GALNT17: variants seen among roughly 807,000 people sequenced by gnomAD.
GALNT17 encodes UDP-GalNAc:polypeptide N-acetylgalactosaminyltransferase-like 3.
GALNT17 carries 29 observed loss-of-function variants against 63.7 expected under a neutral mutation model. That is an observed-to-expected ratio of 0.46 (90% CI 0.34 to 0.62). The LOEUF (loss-of-function observed/expected upper bound fraction) is 0.62. GALNT17 is among the 20% of genes least tolerant of loss of function. GALNT17 has a pLI of 0.01. For missense variants in GALNT17, 603 were observed against 799.6 expected, an observed-to-expected ratio of 0.75 and a Z score of 2.97; for synonymous variants, 305 against 318.3, an observed-to-expected ratio of 0.96 and a Z score of 0.45.
chr7:71,203,502 G>A (rs1789213849), intron 1 of GALNT17, among the ~76,000 whole-genome samples: 1 of 151,908 alleles, frequency 6.6e-6, no homozygotes, highest in African/African-American at 2.4e-5. Context: ...TTATTTCTTT[G>A]CTCTTGAGCT....
chr7:71,330,164 C>T (rs943792017), intron 1 of GALNT17, among the ~76,000 whole-genome samples: 2 of 151,830 alleles, frequency 1.3e-5, no homozygotes, highest in African/African-American at 2.4e-5. Context: ...AGGTGCACAC[C>T]ACCACACCCG....
chr7:71,673,323 G>A (rs1277948202), intron 8 of GALNT17, among the ~76,000 whole-genome samples: 1 of 152,032 alleles, frequency 6.6e-6, no homozygotes, highest in Admixed American at 6.6e-5. Context: ...ATTCATGGTT[G>A]GGGATATTTT....
chr7:71,449,194 C>A (rs545533598), intron 5 of GALNT17, among the ~76,000 whole-genome samples: 1 of 138,864 alleles, frequency 7.2e-6, no homozygotes, highest in African/African-American at 2.7e-5. Context: ...CTCACTGCAG[C>A]CCCCACCTAC....
At chr7:71,154,553 G>A (rs927554428) in intron 1 of GALNT17, among the ~76,000 whole-genome samples, 1 of 152,154 alleles carries the variant, frequency 6.6e-6, no homozygotes, top group Non-Finnish European at 1.5e-5. Context: ...CGTAATAAAT[G>A]TAACAATAGC....
At chr7:71,453,960 T>A (rs1034984168) in intron 5 of GALNT17, among the ~76,000 whole-genome samples, 4 of 152,228 alleles carry the variant, frequency 2.6e-5, no homozygotes, top group African/African-American at 9.6e-5. Flanking sequence ...CACTGTGTTC[T>A]GGCTCTACTC....
intron 1 of GALNT17, among the ~76,000 whole-genome samples, chr7:71,174,105 C>A (rs542865992): frequency 1.3e-5 from 2 of 152,226 alleles, no homozygotes; most frequent in South Asian, 4.2e-4. Context: ...ACGGGTAAAG[C>A]CCTTGAGGGG....
chr7:71,581,765 C>A (rs1031906345), intron 6 of GALNT17, among the ~76,000 whole-genome samples: 2 of 152,166 alleles, frequency 1.3e-5, no homozygotes, highest in Non-Finnish European at 2.9e-5. Context: ...TCAGTGGGGA[C>A]ATGAGTAGTT....
At chr7:71,693,372 A>G (rs1159784121) in intron 9 of GALNT17, among the ~76,000 whole-genome samples, 1 of 150,322 alleles carries the variant, frequency 6.7e-6, no homozygotes, top group Non-Finnish European at 1.5e-5. Flanking sequence ...GGATCCTGGG[A>G]AGAAAATCCA....
intron 1 of GALNT17, among the ~76,000 whole-genome samples, chr7:71,233,521 C>T (rs1466176288): frequency 6.6e-6 from 1 of 152,206 alleles, no homozygotes; most frequent in Non-Finnish European, 1.5e-5. Context: ...AGCATATTCT[C>T]ATTGGCATGA....
At chr7:71,293,726 A>G (rs1432960267) in intron 1 of GALNT17, among the ~76,000 whole-genome samples, 1 of 152,172 alleles carries the variant, frequency 6.6e-6, no homozygotes. Flanking sequence ...TTAGGTTAGC[A>G]ATTCTTCTTT....
chr7:71,262,679 C>CTTTTT (rs756742343), intron 1 of GALNT17, among the ~76,000 whole-genome samples: 10 of 124,650 alleles, frequency 8.0e-5, no homozygotes, highest in Non-Finnish European at 1.0e-4. Context: ...TTTTTACTTT[C>CTTTTT]TTTTTTTTTT....
At chr7:71,671,610 C>A (rs1227263806) in intron 8 of GALNT17, among the ~76,000 whole-genome samples, 1 of 152,160 alleles carries the variant, frequency 6.6e-6, no homozygotes, top group Non-Finnish European at 1.5e-5. Context: ...TAGGCTGTTA[C>A]CAGCTGTGTG....
In GALNT17 at chr7:71,167,045, C is replaced by CTTT. The variant is rs35735311; in HGVS notation, c.238+34025_238+34027dup. ...ACACACAACCATGCCTGGCTAAGTA[C>CTTT]TTTTTTTTTTTTTTTTTTTTTTGGA... On this transcript the variant is annotated intron_variant, in intron 1 of 10. Transcript: ENST00000333538. 1.1e-3 allele frequency among the ~76,000 whole-genome samples: 123 copies of CTTT among 115,454 alleles called. 1 individual carries two copies. Among genetic ancestry groups the CTTT allele is most frequent in the Middle Eastern group, 5.3e-3 (1 of 190 alleles). 75.7% of individuals were successfully genotyped at this position (115,454 alleles called of 152,430 possible).
intron 5 of GALNT17, among the ~76,000 whole-genome samples, chr7:71,501,990 T>A (rs540193605): frequency 6.6e-6 from 1 of 152,312 alleles, no homozygotes; most frequent in African/African-American, 2.4e-5. Context: ...GCACTCAGAT[T>A]CCATTCCATG....
chr7:71,431,117 C>A (rs1786854004), intron 5 of GALNT17, among the ~76,000 whole-genome samples: 1 of 151,530 alleles, frequency 6.6e-6, no homozygotes, highest in Non-Finnish European at 1.5e-5. Flanking sequence ...CCACAGTGTT[C>A]TATGTGTCAG....
chr7:71,585,715 A>G (rs1437603270), intron 6 of GALNT17, among the ~76,000 whole-genome samples: 1 of 152,022 alleles, frequency 6.6e-6, no homozygotes, highest in African/African-American at 2.4e-5. Flanking sequence ...TTATTAAAGC[A>G]TAATTTAATA....
Position 71,701,975 on chromosome 7 carries a change from C to G in GALNT17, c.1501-8786C>G, listed in dbSNP as rs761089656. On this transcript the variant is annotated intron_variant, in intron 9 of 10. Coordinates refer to ENST00000333538, the MANE Select transcript of GALNT17 (RefSeq NM_022479.3). Reference sequence around the variant, plus strand: ...ATGCAACCATAAAAAAGAATAAAATCATATCCTTTGCAGCAACATAGATGT... The same window carrying G: ...ATGCAACCATAAAAAAGAATAAAATGATATCCTTTGCAGCAACATAGATGT... Among the ~76,000 whole-genome samples, 70 of 148,636 alleles carry G rather than the reference C, an allele frequency of 4.7e-4. 1 individual carries two copies. The highest frequency in any genetic ancestry group is 9.2e-4 in the Non-Finnish European group (62 of 67,388).
At chr7:71,249,298 A>G (rs975071183) in intron 1 of GALNT17, among the ~76,000 whole-genome samples, 13 of 151,986 alleles carry the variant, frequency 8.6e-5, no homozygotes, top group African/African-American at 3.1e-4. Context: ...AAGCATATTC[A>G]TATTTATTTT....
intron 6 of GALNT17, among the ~76,000 whole-genome samples, chr7:71,639,342 G>A (rs60120787): frequency 0.096 from 14,574 of 152,170 alleles, 2,136 homozygotes; most frequent in African/African-American, 0.32. Context: ...TAACTGATCT[G>A]CACTCTCTTG....
Sources: allele counts gnomAD v4.1 joint callset (sites outside exome capture counted in the v4.1 genomes callset), GRCh38; gene constraint gnomAD v4.1.1; transcripts MANE v1.5; gene names NCBI Gene and HGNC (gene_info 2026-07-23, HGNC 2026-07-21).